Variants in LRRC37B observed in about 807,000 individuals in gnomAD.
LRRC37B encodes the protein leucine rich repeat containing 37B.
In LRRC37B, 28 loss-of-function variants were observed where a neutral mutation model predicts 98.3. The observed-to-expected ratio is 0.28, with a 90% CI of 0.21 to 0.39. The LOEUF is 0.39. LRRC37B is among the 10% of genes least tolerant of loss of function. LRRC37B has a pLI of 1.00. For missense variants in LRRC37B, 938 were observed against 1,182.7 expected, an observed-to-expected ratio of 0.79 and a Z score of 3.03; for synonymous variants, 364 against 442.7, an observed-to-expected ratio of 0.82 and a Z score of 2.23.
chr17:32,047,543 C>A, intron 8 of LRRC37B: 1 of 616,934 alleles, frequency 1.6e-6, no homozygotes, highest in Non-Finnish European at 2.8e-6. Context: ...TACTCTATGT[C>A]ACACTATGGA....
intron 7 of LRRC37B, among the ~76,000 whole-genome samples, chr17:32,044,848 C>T (rs1227014865): frequency 2.0e-5 from 3 of 152,158 alleles, no homozygotes; most frequent in Non-Finnish European, 2.9e-5. Flanking sequence ...TATGATTTTG[C>T]CACTGTACTT....
exon 1 of LRRC37B, chr17:32,008,047 C>A: frequency 2.0e-6 from 1 of 508,740 alleles, no homozygotes; most frequent in South Asian, 2.0e-5. Flanking sequence ...AGGAGGACGA[C>A]GATGACTCCG....
At chr17:32,034,508 A>T (rs1911189413) in intron 5 of LRRC37B, among the ~76,000 whole-genome samples, 1 of 151,182 alleles carries the variant, frequency 6.6e-6, no homozygotes. Flanking sequence ...CATCTCCAAA[A>T]AAAAAAAAAA....
chr17:32,035,113 A>T, intron 6 of LRRC37B, 132 bp downstream of exon 9: 1 of 673,124 alleles, frequency 1.5e-6, no homozygotes, highest in Admixed American at 3.3e-5. Flanking sequence ...GAAAAAAGTT[A>T]TTGGCAAAGA....
At position 32,045,809 on chromosome 17, in the gene LRRC37B, A is replaced by G. The variant is rs776185480; in HGVS notation, c.2314A>G (p.Ile772Val). 1.9e-6 allele frequency: 3 copies of G among 1,599,986 alleles called. No homozygotes were observed. In the East Asian group the frequency reaches 6.7e-5, roughly 36 times the overall value. Residue 772 changes from isoleucine (I) to valine (V), a missense_variant, in exon 8 of 12, where the codon ATA becomes GTA. Around this residue, in one of 2 missense-constraint regions of LRRC37B, gnomAD observed 328 missense variants for 557.0 expected, o/e 0.59. Coordinates refer to ENST00000327564, the Ensembl canonical transcript of LRRC37B. ...CAACACTGCATGTCTGACTAACAGC[A>G]TACATTGTCGTGAGTCCAAATTGCC...
At chr17:32,029,756 G>A (rs991335709) in intron 3 of LRRC37B, among the ~76,000 whole-genome samples, 3 of 152,168 alleles carry the variant, frequency 2.0e-5, no homozygotes, top group African/African-American at 4.8e-5. Context: ...GCCAAGCTGA[G>A]GAGCCATCAT....
At chr17:32,043,324 G>A (rs536841019) in intron 7 of LRRC37B, among the ~76,000 whole-genome samples, 5 of 152,284 alleles carry the variant, frequency 3.3e-5, no homozygotes, top group African/African-American at 1.2e-4. Context: ...ACTTTGGGAG[G>A]CCAAGGAGAG....
At chr17:32,049,431 C>T (rs1266576053) in intron 10 of LRRC37B, 37 bp downstream of exon 13, 1 of 1,582,898 alleles carries the variant, frequency 6.3e-7, no homozygotes, top group East Asian at 2.3e-5. Flanking sequence ...CCAGATTTCC[C>T]ATCATTTAGC....
intron 5 of LRRC37B, among the ~76,000 whole-genome samples, chr17:32,033,776 C>T (rs960852064): frequency 3.9e-5 from 6 of 151,998 alleles, no homozygotes; most frequent in African/African-American, 1.5e-4. Context: ...TTCTTGTTCA[C>T]TTTAAAGAAT....
At chr17:32,007,893 A>C (rs1910446752), upstream of LRRC37B, 3 of 939,738 alleles carry the variant, frequency 3.2e-6, no homozygotes, top group Non-Finnish European at 4.0e-6. The surrounding 1 kb of genome is among the most constrained non-coding windows in gnomAD (Gnocchi z 4.1). Context: ...GGGGGCAGCC[A>C]CCTAGCCCGG....
chr17:32,049,478 A>G, intron 10 of LRRC37B, 84 bp downstream of exon 13: 1 of 1,434,132 alleles, frequency 7.0e-7, no homozygotes, highest in Middle Eastern at 1.9e-4. Context: ...AGAACCTGGG[A>G]CTCCCAGGCC....
rs1385401790 is a variant in LRRC37B, at chr17:32,027,838, T to A, written c.1902T>A (p.Tyr634Ter). ...TTGAAGGCCTGCTATACCTCCAGTA[T>A]TTGTAAGTTAGTTAATCATATTTTT... Residue 634 changes from tyrosine (Y) to a stop codon, truncating the protein, a stop_gained and splice_region_variant, in exon 3 of 12, where the codon TAT becomes TAA. Coordinates refer to ENST00000327564, the Ensembl canonical transcript of LRRC37B. LOFTEE classifies it high-confidence loss of function. 8 of 1,603,696 alleles carry A rather than the reference T, an allele frequency of 5.0e-6. No individual in the cohort carries two copies. Among genetic ancestry groups the A allele is most frequent in the Non-Finnish European group, 6.8e-6 (8 of 1,175,770 alleles).
chr17:32,025,523 CT>C, intron 2 of LRRC37B, among the ~76,000 whole-genome samples: 1 of 151,710 alleles, frequency 6.6e-6, no homozygotes, highest in East Asian at 1.9e-4. Context: ...TTTTTAAAAT[CT>C]TTTTTCTTTT....
chr17:32,016,346 TTTTGGTC>T (rs1244187954), upstream of LRRC37B, among the ~76,000 whole-genome samples: 1 of 152,200 alleles, frequency 6.6e-6, no homozygotes, highest in Non-Finnish European at 1.5e-5. Flanking sequence ...CATTGACAAA[TTTTGGTC>T]TTTGGTTCTC....
intron 1 of LRRC37B, among the ~76,000 whole-genome samples, chr17:32,012,755 G>A (rs1910563085): frequency 2.0e-5 from 3 of 152,016 alleles, no homozygotes; most frequent in South Asian, 2.1e-4. Context: ...GGTGCCTCAC[G>A]CCTGTAATCC....
intron 1 of LRRC37B, among the ~76,000 whole-genome samples, chr17:32,013,761 A>G (rs1910590203): frequency 1.3e-5 from 2 of 151,600 alleles, no homozygotes; most frequent in African/African-American, 2.4e-5. Flanking sequence ...CAATGTATGT[A>G]GGTATATAGA....
chr17:32,042,133 G>C (rs1315023614), intron 7 of LRRC37B: 1 of 301,008 alleles, frequency 3.3e-6, no homozygotes, highest in Non-Finnish European at 6.6e-6. Context: ...CTGTCAGCTT[G>C]CAACCAGGAG....
chr17:32,042,982 G>A (rs1911487095), intron 7 of LRRC37B, among the ~76,000 whole-genome samples: 1 of 151,986 alleles, frequency 6.6e-6, no homozygotes, highest in Non-Finnish European at 1.5e-5. Flanking sequence ...GTTCCATTGG[G>A]TGATGAGAGT....
intron 3 of LRRC37B, among the ~76,000 whole-genome samples, chr17:32,029,295 G>C (rs1911048284): frequency 6.6e-6 from 1 of 152,108 alleles, no homozygotes; most frequent in Non-Finnish European, 1.5e-5. Flanking sequence ...ACTGCGCCCG[G>C]CCAGCTATTC....
Sources: gnomAD v4.1 joint callset for allele counts (sites outside exome capture counted in the v4.1 genomes callset) on GRCh38, gnomAD v4.1.1 for gene constraint, gnomAD v4.1.1 regional missense constraint, Gnocchi (gnomAD v3.1) non-coding constraint, MANE v1.5 for transcripts, NCBI Gene and HGNC (gene_info 2026-07-23, HGNC 2026-07-21) for gene names.